Variants in CPA6 observed in about 807,000 individuals in gnomAD.
The protein encoded by CPA6 is carboxypeptidase A6.
In CPA6, 58 loss-of-function variants were observed where a neutral mutation model predicts 63.3. That is an observed-to-expected ratio of 0.92 (90% confidence interval 0.74 to 1.14). The LOEUF is 1.14. Among genes scored for constraint, CPA6 ranks in the 50% most tolerant of loss-of-function variants. The pLI is 0.00. For synonymous variants in CPA6, 185 were observed against 179.0 expected (o/e 1.03, Z -0.27); for missense variants, 565 against 526.6 (o/e 1.07, Z -0.71).
At chr8:67,636,262 G>C (rs1394728267) in intron 1 of CPA6, among the ~76,000 whole-genome samples, 1 of 151,542 alleles carries the variant, frequency 6.6e-6, no homozygotes, top group Non-Finnish European at 1.5e-5. Context: ...GTGGACTCTT[G>C]AGTAGAGAGA....
chr8:67,533,330 T>C (rs753053231), intron 2 of CPA6, among the ~76,000 whole-genome samples: 1 of 152,224 alleles, frequency 6.6e-6, no homozygotes, highest in Non-Finnish European at 1.5e-5. Flanking sequence ...AGATTGATAA[T>C]TGTTAACTGT....
intron 8 of CPA6, among the ~76,000 whole-genome samples, chr8:67,473,303 C>T (rs1427226438): frequency 6.6e-6 from 1 of 152,016 alleles, no homozygotes; most frequent in South Asian, 2.1e-4. Flanking sequence ...AATATATTCC[C>T]CAGTTGAGTA....
intron 2 of CPA6, among the ~76,000 whole-genome samples, chr8:67,524,380 C>A (rs1472209059): frequency 1.3e-5 from 2 of 152,262 alleles, no homozygotes; most frequent in African/African-American, 4.8e-5. Flanking sequence ...GATTTAGAGT[C>A]CAGAAGTCCA....
At chr8:67,647,511 G>A (rs934907084) in intron 1 of CPA6, among the ~76,000 whole-genome samples, 13 of 152,030 alleles carry the variant, frequency 8.6e-5, no homozygotes, top group East Asian at 1.9e-4. Context: ...AATTTGAGGT[G>A]TTGCAGCTCA....
chr8:67,576,798 G>C (rs1171875194), intron 2 of CPA6, among the ~76,000 whole-genome samples: 1 of 151,848 alleles, frequency 6.6e-6, no homozygotes, highest in Non-Finnish European at 1.5e-5. Flanking sequence ...GCTGAGTTGT[G>C]TGTTGGCACG....
intron 1 of CPA6, among the ~76,000 whole-genome samples, chr8:67,648,554 G>A (rs1815767208): frequency 1.3e-5 from 2 of 152,162 alleles, no homozygotes; most frequent in Non-Finnish European, 2.9e-5. Flanking sequence ...GGCAAGAAAG[G>A]CCCAGAAGGA....
intron 1 of CPA6, among the ~76,000 whole-genome samples, chr8:67,652,762 T>G (rs1815878959): frequency 6.6e-6 from 1 of 152,004 alleles, no homozygotes; most frequent in South Asian, 2.1e-4. Flanking sequence ...CATTTGTCAA[T>G]TTTGGCTTTT....
intron 2 of CPA6, among the ~76,000 whole-genome samples, chr8:67,529,957 A>G (rs1301210625): frequency 2.6e-5 from 4 of 152,228 alleles, no homozygotes; most frequent in Non-Finnish European, 2.9e-5. Context: ...CAGAGGCACC[A>G]GAAAACAGAA....
chr8:67,697,411 A>G (rs755554856), intron 1 of CPA6, among the ~76,000 whole-genome samples: 2 of 152,228 alleles, frequency 1.3e-5, no homozygotes, highest in African/African-American at 4.8e-5. Flanking sequence ...CTCAATAGTC[A>G]TAAGACCTTA....
chr8:67,560,980 A>G (rs1219687598), intron 2 of CPA6, among the ~76,000 whole-genome samples: 1 of 152,190 alleles, frequency 6.6e-6, no homozygotes, highest in African/African-American at 2.4e-5. Context: ...ATCATATTAT[A>G]AACAAAAATG....
At chr8:67,598,751 C>T (rs1045889266) in intron 2 of CPA6, among the ~76,000 whole-genome samples, 10 of 152,196 alleles carry the variant, frequency 6.6e-5, no homozygotes, top group African/African-American at 2.4e-4. Flanking sequence ...TTAAAAATAA[C>T]TTTTATGTCT....
intron 2 of CPA6, among the ~76,000 whole-genome samples, chr8:67,623,506 G>C (rs1815129026): frequency 6.6e-6 from 1 of 151,852 alleles, no homozygotes; most frequent in Non-Finnish European, 1.5e-5. Context: ...AGAGATACTA[G>C]ACCTCACTGC....
intron 1 of CPA6, among the ~76,000 whole-genome samples, chr8:67,630,576 C>T (rs941153655): frequency 2.0e-5 from 3 of 152,240 alleles, no homozygotes; most frequent in Admixed American, 6.5e-5. Flanking sequence ...GTGCTGGCAG[C>T]CCTCGCTCCC....
intron 2 of CPA6, among the ~76,000 whole-genome samples, chr8:67,544,866 T>C (rs1812780277): frequency 6.6e-6 from 1 of 152,192 alleles, no homozygotes; most frequent in African/African-American, 2.4e-5. Context: ...CACTTAATGA[T>C]ATACATGGGG....
chr8:67,548,148 C>CCT (rs11471658), intron 2 of CPA6, among the ~76,000 whole-genome samples: 84,980 of 126,976 alleles, frequency 0.67, 28,809 homozygotes, highest in East Asian at 0.75. Context: ...TCTCTCTCTC[C>CCT]CTCTCATCCT....
intron 1 of CPA6, among the ~76,000 whole-genome samples, chr8:67,684,178 G>C (rs1816663173): frequency 1.3e-5 from 2 of 151,372 alleles, no homozygotes; most frequent in African/African-American, 4.8e-5. Flanking sequence ...AGGAGCCACT[G>C]TGCCTGGCCT....
intron 8 of CPA6, among the ~76,000 whole-genome samples, chr8:67,448,377 A>C (rs563195080): frequency 5.9e-5 from 9 of 152,114 alleles, no homozygotes; most frequent in Admixed American, 2.6e-4. Flanking sequence ...TTGGTTAAGA[A>C]AGTTTTCCCT....
Position 67,498,035 on chromosome 8 carries a change from C to T in CPA6, c.636+8752G>A, listed in dbSNP as rs201879356. 1.7e-4 allele frequency among the ~76,000 whole-genome samples: 26 copies of T among 152,248 alleles called. No individual in the cohort carries two copies. In the East Asian group the frequency reaches 5.0e-3, roughly 29 times the overall value. ...GTCCCTCTTTACAAGTATCTCCTTG[C>T]TGTCTATTCTCTTTGTTCCCTGGCC... On this transcript the variant is annotated intron_variant, in intron 6 of 10. Coordinates refer to ENST00000297770, the MANE Select transcript of CPA6 (RefSeq NM_020361.5).
At chr8:67,544,051 G>A (rs1812762779) in intron 2 of CPA6, among the ~76,000 whole-genome samples, 1 of 152,080 alleles carries the variant, frequency 6.6e-6, no homozygotes, top group African/African-American at 2.4e-5. Context: ...GACCCCCAAA[G>A]TGTTGGGATT....
Sources: gnomAD v4.1 joint callset for allele counts (sites outside exome capture counted in the v4.1 genomes callset) on GRCh38, gnomAD v4.1.1 for gene constraint, MANE v1.5 for transcripts, NCBI Gene and HGNC (gene_info 2026-07-23, HGNC 2026-07-21) for gene names.